CLVS1: variants seen among roughly 807,000 people sequenced by gnomAD.
CLVS1 encodes clavesin-1.
CLVS1 carries 10 observed loss-of-function variants against 33.1 expected under a neutral mutation model. That is an observed-to-expected ratio of 0.30 (90% CI 0.19 to 0.51). The LOEUF is 0.51. Among genes scored for constraint, CLVS1 ranks in the 20% least tolerant of loss-of-function variants. The probability of loss-of-function intolerance (pLI) is 0.97; values close to 1 mark genes in which losing one functional copy is unlikely to be tolerated. For synonymous variants in CLVS1, 163 were observed against 166.1 expected (o/e 0.98, Z 0.14); for missense variants, 343 against 433.4 (o/e 0.79, Z 1.85).
intron 2 of CLVS1, among the ~76,000 whole-genome samples, chr8:61,362,661 C>G (rs1170288784): frequency 6.6e-6 from 1 of 152,108 alleles, no homozygotes; most frequent in African/African-American, 2.4e-5. Flanking sequence ...CAGAGGTCCC[C>G]CAATTGGAAA....
intron 1 of CLVS1, among the ~76,000 whole-genome samples, chr8:61,294,230 C>T (rs1810104992): frequency 6.6e-6 from 1 of 152,032 alleles, no homozygotes; most frequent in South Asian, 2.1e-4. Flanking sequence ...GAGTCTTGGA[C>T]AAAACGTGGG....
intron 1 of CLVS1, among the ~76,000 whole-genome samples, chr8:61,066,236 C>G (rs1804675859): frequency 6.6e-6 from 1 of 152,178 alleles, no homozygotes; most frequent in South Asian, 2.1e-4. Context: ...TGGCTCACAC[C>G]TGTAATCCCA....
At chr8:61,160,602 T>C (rs1806733286) in intron 2 of CLVS1, among the ~76,000 whole-genome samples, 1 of 145,548 alleles carries the variant, frequency 6.9e-6, no homozygotes, top group Non-Finnish European at 1.6e-5. Flanking sequence ...ATTTCTAAAT[T>C]ACCTCTTCTT....
chr8:61,120,953 C>T (rs75903137), intron 1 of CLVS1, among the ~76,000 whole-genome samples: 11 of 148,336 alleles, frequency 7.4e-5, no homozygotes, highest in Non-Finnish European at 1.2e-4. Context: ...TGGGCAATGG[C>T]GGGTGCCCCT....
intron 1 of CLVS1, among the ~76,000 whole-genome samples, chr8:61,073,652 T>C (rs1169330993): frequency 1.3e-5 from 2 of 152,034 alleles, no homozygotes; most frequent in African/African-American, 2.4e-5. Context: ...TATCTAACGA[T>C]AGATATTACT....
chr8:61,364,106 C>T (rs1813095322), intron 2 of CLVS1, among the ~76,000 whole-genome samples: 1 of 152,314 alleles, frequency 6.6e-6, no homozygotes, highest in Non-Finnish European at 1.5e-5. Flanking sequence ...TTGCAGAAAG[C>T]TTTTCTCCTC....
Position 61,130,267 on chromosome 8 carries a change from A to ATAAATAAATAAG in CLVS1, c.-242-1493_-242-1492insAGTAAATAAATA, listed in dbSNP as rs995615267. 7.2e-3 allele frequency among the ~76,000 whole-genome samples: 1,087 copies of ATAAATAAATAAG among 150,610 alleles called. 17 individuals carry two copies. The highest frequency in any genetic ancestry group is 0.024 in the African/African-American group (1,006 of 41,136). The stretch of plus-strand genomic sequence containing the variant: ...AATAAATAAATAAATAAATAAATAA[A>ATAAATAAATAAG]TAAATAAATATAAAAATAATTTAAA... On this transcript the variant is annotated intron_variant, in intron 1 of 2. Coordinates refer to the CLVS1 transcript ENST00000522621.
At chr8:61,393,476 C>A (rs1009732693) in intron 3 of CLVS1, among the ~76,000 whole-genome samples, 2 of 152,104 alleles carry the variant, frequency 1.3e-5, no homozygotes, top group Admixed American at 6.5e-5. Context: ...TGTTATTGAA[C>A]CTTGTTGTGT....
chr8:61,206,679 C>G (rs556616448), intron 2 of CLVS1, among the ~76,000 whole-genome samples: 13 of 151,316 alleles, frequency 8.6e-5, no homozygotes, highest in African/African-American at 2.7e-4. Flanking sequence ...AGCTCCGCCT[C>G]CAGGGTTCAC....
the CLVS1 span, among the ~76,000 whole-genome samples, chr8:60,988,986 T>A: frequency 6.6e-6 from 1 of 152,130 alleles, no homozygotes; most frequent in Non-Finnish European, 1.5e-5. Context: ...TGCTTCAGCC[T>A]CCCAAGTAGG....
chr8:61,475,510 T>C (rs1300520302), intron 5 of CLVS1, among the ~76,000 whole-genome samples: 2 of 152,258 alleles, frequency 1.3e-5, no homozygotes, highest in Non-Finnish European at 2.9e-5. Context: ...AGATGGTATC[T>C]CATTGTGGTT....
chr8:61,419,498 C>T (rs1374944465), intron 3 of CLVS1, among the ~76,000 whole-genome samples: 2 of 151,232 alleles, frequency 1.3e-5, no homozygotes, highest in Non-Finnish European at 2.9e-5. Context: ...GTTGAAGATG[C>T]ATTTGAATAA....
At chr8:61,248,622 AT>A (rs913041301) in intron 2 of CLVS1, among the ~76,000 whole-genome samples, 22 of 148,048 alleles carry the variant, frequency 1.5e-4, no homozygotes, top group Admixed American at 1.4e-3. Flanking sequence ...TTTTGAATAC[AT>A]TTTTTTAATC....
chr8:61,325,598 G>T (rs189270411), intron 2 of CLVS1, among the ~76,000 whole-genome samples: 1 of 152,130 alleles, frequency 6.6e-6, no homozygotes, highest in Admixed American at 6.5e-5. Context: ...TAGGTGGATA[G>T]CTGCTGTGTG....
intron 2 of CLVS1, among the ~76,000 whole-genome samples, chr8:61,209,767 A>G (rs953767915): frequency 6.6e-6 from 1 of 152,184 alleles, no homozygotes; most frequent in Non-Finnish European, 1.5e-5. Flanking sequence ...AAATAGATGA[A>G]TTTCAAGGTC....
chr8:61,099,363 C>T lies in CLVS1; in HGVS notation c.-242-32407C>T, dbSNP rs934906203. 2.6e-5 allele frequency among the ~76,000 whole-genome samples: 4 copies of T among 151,710 alleles called. No homozygotes were observed. The South Asian group carries it at 8.3e-4, about 32-fold the overall frequency. Reference sequence around the variant, plus strand: ...GTAGAGTAGCAAATTCAATGGGAAGCCAGGACTCTTCTTGGACCTTTGTCT... The same window carrying T: ...GTAGAGTAGCAAATTCAATGGGAAGTCAGGACTCTTCTTGGACCTTTGTCT... On this transcript the variant is annotated intron_variant, in intron 1 of 2. Transcript: ENST00000522621.
the CLVS1 span, among the ~76,000 whole-genome samples, chr8:60,992,574 G>A: frequency 4.8e-3 from 729 of 152,288 alleles, 5 homozygotes; most frequent in African/African-American, 0.017. Flanking sequence ...AAAACCTTCA[G>A]GAGTTTATTC....
chr8:61,269,499 G>A (rs1809386822), intron 2 of CLVS1, among the ~76,000 whole-genome samples: 1 of 152,060 alleles, frequency 6.6e-6, no homozygotes, highest in African/African-American at 2.4e-5. Context: ...TGGCGATGCG[G>A]ACTCTTTTTT....
chr8:61,044,947 A>G, the CLVS1 span, among the ~76,000 whole-genome samples: 2 of 152,204 alleles, frequency 1.3e-5, no homozygotes, highest in African/African-American at 4.8e-5. Context: ...TAAATGCACA[A>G]CAAGAGCCAC....
Sources: gnomAD v4.1 joint callset for allele counts (sites outside exome capture counted in the v4.1 genomes callset) on GRCh38, gnomAD v4.1.1 for gene constraint, MANE v1.5 for transcripts, NCBI Gene and HGNC (gene_info 2026-07-23, HGNC 2026-07-21) for gene names.